PCSK6: variants seen among roughly 807,000 people sequenced by gnomAD.
PCSK6 encodes paired basic amino acid cleaving enzyme 4.
Under a neutral mutation model 123.3 loss-of-function variants are expected in PCSK6, and 85 were observed. The ratio of observed to expected loss-of-function variants is 0.69; its 90% CI spans 0.58 to 0.83. The LOEUF (loss-of-function observed/expected upper bound fraction) is 0.83, where lower values mean the gene tolerates loss of function less well. Among genes scored for constraint, PCSK6 ranks in the 40% least tolerant of loss-of-function variants. The pLI is 0.00. For synonymous variants in PCSK6, 508 were observed against 516.0 expected, an observed-to-expected ratio of 0.98 and a Z score of 0.21; for missense variants, 1,191 against 1,282.3, an observed-to-expected ratio of 0.93 and a Z score of 1.09.
At chr15:101,419,815 T>C (rs1164876006) in intron 6 of PCSK6, among the ~76,000 whole-genome samples, 2 of 152,056 alleles carry the variant, frequency 1.3e-5, no homozygotes, top group Non-Finnish European at 2.9e-5. Context: ...GGGCCACGTG[T>C]GGCAATCACC....
At chr15:101,368,485 C>T (rs753848576) in intron 12 of PCSK6, among the ~76,000 whole-genome samples, 2 of 152,224 alleles carry the variant, frequency 1.3e-5, no homozygotes, top group African/African-American at 2.4e-5. Context: ...GGACTGGCTC[C>T]TGGGAGCCCA....
At chr15:101,471,543 T>C (rs1438974616) in intron 1 of PCSK6, among the ~76,000 whole-genome samples, 1 of 152,254 alleles carries the variant, frequency 6.6e-6, no homozygotes, top group Non-Finnish European at 1.5e-5. Flanking sequence ...TTATTTTTGG[T>C]GCATTCCAAA....
At chr15:101,383,781 G>A (rs188549192) in intron 10 of PCSK6, among the ~76,000 whole-genome samples, 223 of 152,196 alleles carry the variant, frequency 1.5e-3, no homozygotes, top group Non-Finnish European at 9.9e-4. Flanking sequence ...AATAATTATG[G>A]ATTTGTTTTA....
At chr15:101,437,271 TAC>T (rs948791806) in intron 2 of PCSK6, among the ~76,000 whole-genome samples, 1 of 152,194 alleles carries the variant, frequency 6.6e-6, no homozygotes, top group African/African-American at 2.4e-5. Flanking sequence ...GAGAGACGAT[TAC>T]ATGGTTTCGT....
intron 13 of PCSK6, chr15:101,334,631 G>A (rs898317478): frequency 3.9e-5 from 6 of 152,404 alleles, no homozygotes; most frequent in Middle Eastern, 3.4e-3. Flanking sequence ...CTGGGGTTGT[G>A]ATGATGGTAG....
At chr15:101,384,458 C>A (rs1452692105) in intron 9 of PCSK6, 33 bp from the exon 10 acceptor site, 1 of 1,586,356 alleles carries the variant, frequency 6.3e-7, no homozygotes, top group Admixed American at 1.7e-5. Flanking sequence ...AGAGTCCACA[C>A]AGCTCAACAA....
chr15:101,487,084 G>C (rs565355517), intron 1 of PCSK6, among the ~76,000 whole-genome samples: 16 of 152,242 alleles, frequency 1.1e-4, no homozygotes, highest in Admixed American at 2.0e-4. Flanking sequence ...GGTTTTCAAA[G>C]AGTTCTTATT....
intron 5 of PCSK6, 138 bp from the exon 6 acceptor site, chr15:101,428,118 C>T (rs1321407732): frequency 8.6e-6 from 6 of 694,402 alleles, no homozygotes; most frequent in East Asian, 5.6e-5. Context: ...TCCTGCATCC[C>T]CTCTCATCAC....
chr15:101,337,785 C>T (rs570883634), intron 13 of PCSK6, among the ~76,000 whole-genome samples: 79 of 152,314 alleles, frequency 5.2e-4, no homozygotes, highest in African/African-American at 1.9e-3. Flanking sequence ...ACAGTAGGTA[C>T]TCAATAAATG....
intron 9 of PCSK6, among the ~76,000 whole-genome samples, chr15:101,385,230 C>T (rs1234438676): frequency 6.6e-6 from 1 of 152,186 alleles, no homozygotes; most frequent in Non-Finnish European, 1.5e-5. Flanking sequence ...ATTGCCCAGG[C>T]TGGTCTTGAA....
intron 13 of PCSK6, among the ~76,000 whole-genome samples, chr15:101,356,968 G>A (rs1186424414): frequency 2.0e-5 from 3 of 152,180 alleles, no homozygotes; most frequent in African/African-American, 7.2e-5. Context: ...AGGTATTATT[G>A]GAGCTAGCGC....
Position 101,325,250 on chromosome 15 carries a change from C to G in PCSK6, c.2181-204G>C, listed in dbSNP as rs143571181. On this transcript the variant is annotated intron_variant, in intron 16 of 21. Coordinates refer to ENST00000611716, the MANE Select transcript of PCSK6 (RefSeq NM_002570.5). ...CTTGCATAGAACCTGGGAATCCTTT[C>G]TTTTCAAAGCTGGCCCTGCTGGAAG... Among the ~76,000 whole-genome samples, 184 of 152,320 alleles carry G rather than the reference C, an allele frequency of 1.2e-3. 2 individuals carry two copies. The highest frequency in any genetic ancestry group is 4.2e-3 in the African/African-American group (174 of 41,578).
intron 1 of PCSK6, among the ~76,000 whole-genome samples, chr15:101,482,559 C>G (rs2057915664): frequency 6.6e-6 from 1 of 152,166 alleles, no homozygotes; most frequent in Non-Finnish European, 1.5e-5. Context: ...TCAGGACGTT[C>G]CCAGCCGGCA....
intron 1 of PCSK6, among the ~76,000 whole-genome samples, chr15:101,467,987 A>T (rs2057507352): frequency 2.0e-5 from 3 of 152,208 alleles, no homozygotes; most frequent in African/African-American, 4.8e-5. Context: ...TTCTATTGTT[A>T]TACTTTGTAT....
chr15:101,392,894 C>T (rs545949477), intron 8 of PCSK6, among the ~76,000 whole-genome samples: 2 of 152,246 alleles, frequency 1.3e-5, no homozygotes, highest in African/African-American at 4.8e-5. Context: ...CATGTGACCA[C>T]AGAATTTCAG....
At chr15:101,351,040 G>A (rs2040876528) in intron 13 of PCSK6, among the ~76,000 whole-genome samples, 1 of 152,114 alleles carries the variant, frequency 6.6e-6, no homozygotes, top group African/African-American at 2.4e-5. Context: ...ACTATATTTT[G>A]TCATTATCTG....
chr15:101,465,932 C>G (rs936833239), intron 1 of PCSK6, among the ~76,000 whole-genome samples: 1 of 151,868 alleles, frequency 6.6e-6, no homozygotes, highest in Admixed American at 6.6e-5. Context: ...GGCAGGGGTG[C>G]GGAGAACAAA....
At chr15:101,481,754 A>G (rs1228264215) in intron 1 of PCSK6, among the ~76,000 whole-genome samples, 1 of 152,214 alleles carries the variant, frequency 6.6e-6, no homozygotes, top group Admixed American at 6.5e-5. Flanking sequence ...AGGGACCCAC[A>G]CGAGGAGGAG....
intron 7 of PCSK6, among the ~76,000 whole-genome samples, chr15:101,394,128 CGTTTTTTTGTTTTTT>C (rs2042324374): frequency 7.7e-6 from 1 of 129,846 alleles, no homozygotes; most frequent in Non-Finnish European, 1.6e-5. Context: ...GTTTTCTTTC[CGTTTTTTTGTTTTTT>C]GTTTTTTTTT....
Sources: allele counts gnomAD v4.1 joint callset (sites outside exome capture counted in the v4.1 genomes callset), GRCh38; gene constraint gnomAD v4.1.1; transcripts MANE v1.5; gene names NCBI Gene and HGNC (gene_info 2026-07-23, HGNC 2026-07-21).